The following HPS1 variants were observed in gnomAD, a reference collection of about 807,000 sequenced individuals.
The protein encoded by HPS1 is BLOC-3 complex member HPS1.
Under a neutral mutation model 90.6 loss-of-function variants are expected in HPS1, and 59 were observed. That is an observed-to-expected ratio of 0.65 (90% CI 0.53 to 0.81). The LOEUF is 0.81. Ranked by LOEUF, HPS1 falls within the 30% of genes least tolerant of loss-of-function variation. HPS1 has a pLI of 0.00. For synonymous variants in HPS1, 388 were observed against 384.4 expected (o/e 1.01, Z -0.11); for missense variants, 849 against 896.7 (o/e 0.95, Z 0.68).
intron 3 of HPS1, among the ~76,000 whole-genome samples, chr10:98,439,909 C>T (rs1474065161): frequency 6.6e-6 from 1 of 152,120 alleles, no homozygotes; most frequent in African/African-American, 2.4e-5. Context: ...AGCAGTTTCC[C>T]CCATGCTGTT....
intron 16 of HPS1, 50 bp downstream of exon 16, chr10:98,423,553 G>T: frequency 6.5e-7 from 1 of 1,549,406 alleles, no homozygotes; most frequent in Non-Finnish European, 8.9e-7. Context: ...TGTAGAGGCA[G>T]CAGATCCAAG....
At position 98,443,186 on chromosome 10, in the gene HPS1, C is replaced by T. The variant is rs1315073438; in HGVS notation, c.55G>A (p.Asp19Asn). 1.2e-6 allele frequency: 2 copies of T among 1,614,182 alleles called. No homozygotes were observed. The highest frequency in any genetic ancestry group is 3.3e-5 in the Admixed American group (2 of 60,028). The change falls in exon 3 of 20, where the codon GAT becomes AAT. Residue 19 changes from aspartate (D) to asparagine (N), a missense_variant. Coordinates refer to ENST00000361490, the MANE Select transcript of HPS1 (RefSeq NM_000195.5). ...CGGAGACTCTCTTCAAACTCCTGAT[C>T]TGTCCAGTAGAAGAGGACCTCTGCG... ...EGAEVLFYWT[D>N]QEFEESLRLK...
chr10:98,425,116 C>T (rs1400727300), intron 13 of HPS1, among the ~76,000 whole-genome samples: 3 of 152,240 alleles, frequency 2.0e-5, no homozygotes, highest in African/African-American at 2.4e-5. Context: ...GGGGTGGAGC[C>T]GTGACCTGCA....
Position 98,435,893 on chromosome 10 carries a change from T to G in HPS1, c.118-121A>C. ...AGTGTTAGACCCTCCTGGGAGGGTATCACTGTCCTGGTAGGGAGGGGAGCA... is the reference window on the plus strand; with the variant it reads ...AGTGTTAGACCCTCCTGGGAGGGTAGCACTGTCCTGGTAGGGAGGGGAGCA... On this transcript the variant is annotated intron_variant, in intron 3 of 19. Coordinates refer to ENST00000361490, the MANE Select transcript of HPS1 (RefSeq NM_000195.5). The surrounding 1 kb of genome is among the most constrained non-coding windows in gnomAD (Gnocchi z 4.3). The G allele has an allele frequency of 7.8e-7, 1 of 1,280,316 alleles. No individual in the cohort carries two copies. The highest frequency in any genetic ancestry group is 1.1e-6 in the Non-Finnish European group (1 of 903,368). 79.3% of individuals were successfully genotyped at this position (1,280,316 alleles called of 1,614,324 possible). A position where few individuals can be genotyped will look rare whatever the true frequency, so the allele number is the denominator to read the frequency against.
At position 98,429,495 on chromosome 10, in the gene HPS1, G is replaced by A. The variant is rs1061134; in HGVS notation, c.937+78C>T. The A allele has an allele frequency of 0.1, 160,489 of 1,610,182 alleles. 8,242 individuals carry two copies. The highest frequency in any genetic ancestry group is 0.16 in the Middle Eastern group (971 of 6,054). On this transcript the variant is annotated intron_variant, in intron 10 of 19. Coordinates refer to ENST00000361490, the MANE Select transcript of HPS1 (RefSeq NM_000195.5). Reference sequence around the variant, plus strand: ...CCTTAGGAGGCACGGGGGTCCACTGGAGCCTAAGACAGATGTCCTGGGCTG... The same window carrying A: ...CCTTAGGAGGCACGGGGGTCCACTGAAGCCTAAGACAGATGTCCTGGGCTG...
chr10:98,417,767 T>G lies in HPS1; in HGVS notation c.1941-41A>C, dbSNP rs1844290461. ...AGGATGGGATTCAGGAGTGAGGCTG[T>G]GGCACTCCTCCAGCGCCAGAGGCCT... On this transcript the variant is annotated intron_variant, in intron 19 of 19. Coordinates refer to ENST00000361490, the MANE Select transcript of HPS1 (RefSeq NM_000195.5). This position sits in a 1 kb window ranked among gnomAD's most constrained non-coding sequence, Gnocchi z 4.2. 4.4e-6 allele frequency: 7 copies of G among 1,586,312 alleles called. No homozygotes were observed. The highest frequency in any genetic ancestry group is 1.7e-4 in the Middle Eastern group (1 of 5,938).
At position 98,430,551 on chromosome 10, in the gene HPS1, C is replaced by A; in HGVS notation, c.768+20G>T. The A allele has an allele frequency of 6.5e-7, 1 of 1,546,480 alleles. No individual in the cohort carries two copies. Among genetic ancestry groups the A allele is most frequent in the Non-Finnish European group, 8.8e-7 (1 of 1,142,084 alleles). ...TACCTCCCTAATGGCCTCCCTCTGCCCAGAAAGCTGCCCTGAGACCTGAAT... is the reference window on the plus strand; with the variant it reads ...TACCTCCCTAATGGCCTCCCTCTGCACAGAAAGCTGCCCTGAGACCTGAAT... On this transcript the variant is annotated intron_variant, in intron 8 of 19. Transcript: ENST00000361490.
chr10:98,426,230 G>C, intron 11 of HPS1: 1 of 526,598 alleles, frequency 1.9e-6, no homozygotes, highest in Non-Finnish European at 3.4e-6. Context: ...AGTGGGCAGG[G>C]GCAGAGGGGC....
chr10:98,416,017 A>C (rs1469677309), downstream of HPS1, among the ~76,000 whole-genome samples: 1 of 152,180 alleles, frequency 6.6e-6, no homozygotes, highest in Non-Finnish European at 1.5e-5. Context: ...CCCTAGGAGG[A>C]AAAAACCCCT....
At position 98,435,055 on chromosome 10, in the gene HPS1, G is replaced by C; in HGVS notation, c.398+217C>G. 1 of 588,972 alleles carries C rather than the reference G, an allele frequency of 1.7e-6. No homozygotes were observed. Among genetic ancestry groups the C allele is most frequent in the East Asian group, 3.0e-5 (1 of 33,314 alleles). 36.5% of individuals were successfully genotyped at this position (588,972 alleles called of 1,614,324 possible). On this transcript the variant is annotated intron_variant, in intron 5 of 19. Coordinates refer to ENST00000361490, the MANE Select transcript of HPS1 (RefSeq NM_000195.5). The surrounding 1 kb of genome is among the most constrained non-coding windows in gnomAD (Gnocchi z 4.3). ...CCACCAACCAGCTAGATGACCCCAG[G>C]CAAGTGAGTTCCATTCTCTGCTCTG... is the stretch of plus-strand genomic sequence containing the variant.
chr10:98,424,489 C>T (rs1335239764), intron 13 of HPS1, 115 bp from the exon 14 acceptor site: 6 of 889,632 alleles, frequency 6.7e-6, no homozygotes, highest in Non-Finnish European at 1.1e-5. Flanking sequence ...GACAAATCTG[C>T]CCTTCTGGCC....
Position 98,434,450 on chromosome 10 carries a change from G to A in HPS1, c.399-359C>T, listed in dbSNP as rs1591112663. Among the ~76,000 whole-genome samples the A allele has an allele frequency of 2.0e-5, 3 of 149,962 alleles. 1 individual carries two copies. The highest frequency in any genetic ancestry group is 4.3e-4 in the South Asian group (2 of 4,610). ...CATCATCAGGGCCCTACTCAGGGTC[G>A]CAGCCATCTCGGATGCTGGCAACGT... On this transcript the variant is annotated intron_variant, in intron 5 of 19. Coordinates refer to ENST00000361490, the MANE Select transcript of HPS1 (RefSeq NM_000195.5).
chr10:98,427,386 C>A, intron 10 of HPS1, 122 bp from the exon 11 acceptor site: 3 of 779,768 alleles, frequency 3.8e-6, no homozygotes, highest in Non-Finnish European at 6.5e-6. Flanking sequence ...GCCAGCTCCA[C>A]GCAGGGGTGC....
At position 98,423,858 on chromosome 10, in the gene HPS1, C is replaced by T. The variant is rs757853476; in HGVS notation, c.1427G>A (p.Arg476Gln). 77 of 1,613,822 alleles carry T rather than the reference C, an allele frequency of 4.8e-5. 1 individual carries two copies. In the South Asian group the frequency reaches 6.7e-4, roughly 14 times the overall value. ...CAGCCGGTAGATGGCGCAGAGCTGCCGCTTCAGCTTCCCACATGCCTGGAG... is the reference window on the plus strand; with the variant it reads ...CAGCCGGTAGATGGCGCAGAGCTGCTGCTTCAGCTTCCCACATGCCTGGAG... ...ELLQACGKLK[R>Q]QLCAIYRLNF... is the part of the protein sequence containing the mutation. The change falls in exon 15 of 20, where the codon CGG becomes CAG. Residue 476 changes from arginine (R) to glutamine (Q), a missense_variant. Arg to Gln is a conservative substitution (Grantham distance 43, BLOSUM62 1). Coordinates refer to ENST00000361490, the MANE Select transcript of HPS1 (RefSeq NM_000195.5).
rs747955942 is a variant in HPS1 at position 98,429,586 on chromosome 10, G to A, written c.924C>T (p.Gly308=). ...EEYFTPAPSP[G]DQSSGSTIWL... is the part of the protein sequence containing the mutation. Reference sequence around the variant, plus strand: ...TCCGGTCCTCACCTGAGCTCTGATCGCCAGGGGAAGGAGCTGGTGTGAAGT... The same window carrying A: ...TCCGGTCCTCACCTGAGCTCTGATCACCAGGGGAAGGAGCTGGTGTGAAGT... The change falls in exon 10 of 20, where the codon GGC becomes GGT. Residue 308 remains glycine (G), a synonymous_variant. Coordinates refer to ENST00000361490, the MANE Select transcript of HPS1 (RefSeq NM_000195.5). 34 of 1,614,062 alleles carry A rather than the reference G, an allele frequency of 2.1e-5. No homozygotes were observed. The Middle Eastern group carries it at 4.9e-4, about 23-fold the overall frequency.
rs1275040387 is a variant in HPS1 at position 98,416,610 on chromosome 10, G to C, written c.*954C>G. On this transcript the variant is annotated 3_prime_UTR_variant, in exon 20 of 20. Transcript: ENST00000361490. ...GACACAGAAGGCGAGGCTCCTGCATGCACAGCACACGGCCATCTGATCCTG... is the reference window on the plus strand; with the variant it reads ...GACACAGAAGGCGAGGCTCCTGCATCCACAGCACACGGCCATCTGATCCTG... The C allele has an allele frequency of 3.3e-5, 5 of 152,504 alleles. No homozygotes were observed. The East Asian group carries it at 9.4e-4, about 29-fold the overall frequency. The allele number at this position is 152,504 out of a possible 1,614,324, so 9.4% of individuals were successfully genotyped here.
At chr10:98,437,152 G>T (rs548076621) in intron 3 of HPS1, among the ~76,000 whole-genome samples, 1 of 152,160 alleles carries the variant, frequency 6.6e-6, no homozygotes, top group East Asian at 1.9e-4. Context: ...ACTGTACAAT[G>T]TCCTTCTTTA....
At chr10:98,415,552 C>G (rs958866945), downstream of HPS1, among the ~76,000 whole-genome samples, 1 of 152,234 alleles carries the variant, frequency 6.6e-6, no homozygotes, top group African/African-American at 2.4e-5. Context: ...CATCTACCTT[C>G]TCAGTCAGAA....
chr10:98,425,905 G>A lies in HPS1; in HGVS notation c.1068C>T (p.Asn356=), dbSNP rs1018822959. The A allele has an allele frequency of 1.2e-6, 2 of 1,614,024 alleles. No homozygotes were observed. Among genetic ancestry groups the A allele is most frequent in the East Asian group, 2.2e-5 (1 of 44,884 alleles). ...CTAGGGGGCAGTAGCTTTCCTTCAC[G>A]TTGGCATCCAGGAAGATCCTTCTGG... is the stretch of plus-strand genomic sequence containing the variant. ...SGPRRIFLDA[N]VKESYCPLVP... is the part of the protein sequence containing the mutation. Residue 356 remains asparagine (N), a synonymous_variant, in exon 12 of 20, where the codon AAC becomes AAT. Transcript: ENST00000361490.
Sources: allele counts gnomAD v4.1 joint callset (sites outside exome capture counted in the v4.1 genomes callset), GRCh38; gene constraint gnomAD v4.1.1; non-coding constraint Gnocchi (gnomAD v3.1); transcripts MANE v1.5; gene names NCBI Gene and HGNC (gene_info 2026-07-23, HGNC 2026-07-21).